The following MS4A1 variants were observed in gnomAD, a reference collection of about 807,000 sequenced individuals.
MS4A1 encodes membrane spanning 4-domains A1.
Under a neutral mutation model 26.5 loss-of-function variants are expected in MS4A1, and 16 were observed. The ratio of observed to expected loss-of-function variants is 0.60; its 90% CI spans 0.41 to 0.92. MS4A1 has a LOEUF of 0.92. Among genes scored for constraint, MS4A1 ranks in the 40% least tolerant of loss-of-function variants. The pLI, the probability that MS4A1 is intolerant of heterozygous loss-of-function variation, is 0.00. For synonymous variants in MS4A1, 128 were observed against 117.6 expected (o/e 1.09, Z -0.57); for missense variants, 350 against 353.0 (o/e 0.99, Z 0.07).
chr11:60,464,370 C>T (rs754322644), intron 5 of MS4A1, 26 bp downstream of exon 5: 3 of 1,607,350 alleles, frequency 1.9e-6, no homozygotes, highest in South Asian at 1.1e-5. Flanking sequence ...TCCTTCTTTC[C>T]CACATGTCAG....
At position 60,468,275 on chromosome 11, in the gene MS4A1, A is replaced by G. The variant is rs1288101304; in HGVS notation, c.701A>G (p.Glu234Gly). Residue 234 changes from glutamate (E) to glycine (G), a missense_variant, in exon 8 of 8, where the codon GAA becomes GGA. Physicochemically the swap from Glu to Gly is moderately conservative, Grantham distance 98. Transcript: ENST00000345732. ...AACATAGTTCTCCTGTCAGCAGAAG[A>G]AAAAAAAGAACAGACTATTGAAATA... ...KSNIVLLSAE[E>G]KKEQTIEIKE... 2 of 1,612,020 alleles carry G rather than the reference A, an allele frequency of 1.2e-6. No individual in the cohort carries two copies. The highest frequency in any genetic ancestry group is 2.7e-5 in the African/African-American group (2 of 74,992).
intron 1 of MS4A1, among the ~76,000 whole-genome samples, chr11:60,459,766 C>G (rs1411758725): frequency 6.6e-6 from 1 of 152,190 alleles, no homozygotes; most frequent in Non-Finnish European, 1.5e-5. Flanking sequence ...AGTTTCTTCT[C>G]TCTTTCCTCT....
intron 5 of MS4A1, 24 bp downstream of exon 5, chr11:60,464,368 TC>T (rs763363193): frequency 6.2e-7 from 1 of 1,609,492 alleles, no homozygotes; most frequent in Admixed American, 1.7e-5. Context: ...TGTCCTTCTT[TC>T]CCACATGTCA....
chr11:60,468,731 T>C lies in MS4A1; in HGVS notation c.*263T>C. ...GCAGAATGAGTGCTTCAGAATGTGA[T>C]TTCCTACTAACCTGTTCCTTGGATA... On this transcript the variant is annotated 3_prime_UTR_variant, in exon 8 of 8. Coordinates refer to ENST00000345732, the MANE Select transcript of MS4A1 (RefSeq NM_152866.3). 2.0e-6 allele frequency: 1 copy of C among 502,488 alleles called. No homozygotes were observed. Among genetic ancestry groups the C allele is most frequent in the Non-Finnish European group, 3.6e-6 (1 of 280,608 alleles). 31.1% of individuals were successfully genotyped at this position (502,488 alleles called of 1,614,324 possible). A position where few individuals can be genotyped will look rare whatever the true frequency, so the allele number is the denominator to read the frequency against.
At chr11:60,464,033 A>G in intron 4 of MS4A1, 1 of 554,450 alleles carries the variant, frequency 1.8e-6, no homozygotes, top group Non-Finnish European at 3.2e-6. Context: ...TGGTCTTACT[A>G]TATTCCTAGT....
chr11:60,465,865 TTA>T, intron 5 of MS4A1, 54 bp from the exon 6 acceptor site: 3 of 1,379,372 alleles, frequency 2.2e-6, no homozygotes, highest in Non-Finnish European at 3.1e-6. Flanking sequence ...CCCTCCCAGA[TTA>T]TGTTTTCCAA....
intron 1 of MS4A1, among the ~76,000 whole-genome samples, chr11:60,458,456 G>A (rs2086221547): frequency 2.0e-5 from 3 of 152,170 alleles, no homozygotes; most frequent in African/African-American, 7.2e-5. Context: ...AATATTTGCA[G>A]GAGTTAGTGT....
rs775765486 is a variant in MS4A1, at chr11:60,466,074, A to T, written c.490A>T (p.Ile164Leu). ...TAGAGCTCACACACCATATATTAAC[A>T]TATACAACTGTGAACCAGCTAATCC... ...FIRAHTPYIN[I>L]YNCEPANPSE... Residue 164 changes from isoleucine to leucine, a missense_variant, in exon 6 of 8, where the codon ATA (isoleucine) becomes TTA (leucine). By Grantham distance (5) the Ile-to-Leu change is conservative (BLOSUM62 2). Coordinates refer to ENST00000345732, the MANE Select transcript of MS4A1 (RefSeq NM_152866.3). 4 of 1,614,092 alleles carry T rather than the reference A, an allele frequency of 2.5e-6. No individual in the cohort carries two copies. In the East Asian group the frequency reaches 8.9e-5, roughly 36 times the overall value.
chr11:60,458,250 GA>G (rs2086219932), intron 1 of MS4A1: 1 of 152,248 alleles, frequency 6.6e-6, no homozygotes, highest in Admixed American at 6.5e-5. Flanking sequence ...CAGGAGGCCA[GA>G]AGGGATAAAA....
Position 60,468,752 on chromosome 11 carries a change from G to A in MS4A1, c.*284G>A, listed in dbSNP as rs2086317317. 1 of 415,702 alleles carries A rather than the reference G, an allele frequency of 2.4e-6. No homozygotes were observed. Among genetic ancestry groups the A allele is most frequent in the Admixed American group, 4.1e-5 (1 of 24,288 alleles). 25.8% of individuals were successfully genotyped at this position (415,702 alleles called of 1,614,324 possible). On this transcript the variant is annotated 3_prime_UTR_variant, in exon 8 of 8. Transcript: ENST00000345732. ...GTGATTTCCTACTAACCTGTTCCTT[G>A]GATAGGCTTTTTAGTATAGTATTTT...
At chr11:60,458,598 C>G (rs1590842350) in intron 1 of MS4A1, among the ~76,000 whole-genome samples, 1 of 152,190 alleles carries the variant, frequency 6.6e-6, no homozygotes, top group Non-Finnish European at 1.5e-5. Flanking sequence ...CCCTACTAAT[C>G]TACCAACTAG....
intron 5 of MS4A1, 101 bp from the exon 6 acceptor site, chr11:60,465,820 T>A (rs2086286161): frequency 2.3e-6 from 2 of 868,400 alleles, no homozygotes; most frequent in South Asian, 2.8e-5. Context: ...TTAGTTGTAG[T>A]TGCTTTGTGA....
At position 60,464,332 on chromosome 11, in the gene MS4A1, C is replaced by T. The variant is rs1369504041; in HGVS notation, c.324C>T (p.Ser108=). ...GSLLAATEKN[S]RKCLVKGKMI... ...TCCTGGCAGCAACGGAGAAAAACTC[C>T]AGGAAGTGTTTGGCAAGTAACCATA... Residue 108 remains serine (S), a synonymous_variant, in exon 5 of 8, where the codon TCC becomes TCT. Coordinates refer to ENST00000345732, the MANE Select transcript of MS4A1 (RefSeq NM_152866.3). 1 of 1,613,144 alleles carries T rather than the reference C, an allele frequency of 6.2e-7. No individual in the cohort carries two copies. The highest frequency in any genetic ancestry group is 2.2e-5 in the East Asian group (1 of 44,866).
chr11:60,463,308 T>C (rs541869821), intron 4 of MS4A1, among the ~76,000 whole-genome samples, 187 bp downstream of exon 4: 1 of 152,308 alleles, frequency 6.6e-6, no homozygotes, highest in South Asian at 2.1e-4. Flanking sequence ...GAGTCAGTGG[T>C]CCTGTTTCAT....
rs2086333722 is a variant in MS4A1 at position 60,470,337 on chromosome 11, G to A, written c.*1869G>A. Reference sequence around the variant, plus strand: ...AAAAGGACATAGTAGGAGCAGGCCTGAGAAAAAAATGAAAGTCAGAAATCT... The same window carrying A: ...AAAAGGACATAGTAGGAGCAGGCCTAAGAAAAAAATGAAAGTCAGAAATCT... On this transcript the variant is annotated 3_prime_UTR_variant, in exon 8 of 8. Transcript: ENST00000345732. 6.6e-6 allele frequency: 1 copy of A among 151,750 alleles called. No individual in the cohort carries two copies. Among genetic ancestry groups the A allele is most frequent in the African/African-American group, 2.4e-5 (1 of 41,338 alleles). 9.4% of individuals were successfully genotyped at this position (151,750 alleles called of 1,614,324 possible).
At position 60,467,073 on chromosome 11, in the gene MS4A1, C is replaced by T; in HGVS notation, c.675+13C>T. ...CAGACCCAAATCTGTAAGTAGTAGC[C>T]CCTCTGGCCAAAACCTCCCTCTAGA... On this transcript the variant is annotated intron_variant, in intron 7 of 7. Transcript: ENST00000345732. The T allele has an allele frequency of 6.2e-7, 1 of 1,606,394 alleles. No homozygotes were observed. The highest frequency in any genetic ancestry group is 8.5e-7 in the Non-Finnish European group (1 of 1,173,134).
chr11:60,466,118 A>G lies in MS4A1; in HGVS notation c.534A>G (p.Pro178=). The part of the protein sequence containing the change: ...EPANPSEKNS[P]STQYCYSIQS... ...CTAATCCCTCTGAGAAAAACTCCCC[A>G]TCTACCCAATACTGTTACAGCATAC... The change falls in exon 6 of 8, where the codon CCA becomes CCG. Residue 178 remains proline (P), a synonymous_variant. Coordinates refer to ENST00000345732, the MANE Select transcript of MS4A1 (RefSeq NM_152866.3). 6.2e-7 allele frequency: 1 copy of G among 1,613,142 alleles called. No individual in the cohort carries two copies.
At chr11:60,466,914 G>T in intron 6 of MS4A1, 45 bp from the exon 7 acceptor site, 1 of 1,542,248 alleles carries the variant, frequency 6.5e-7, no homozygotes, top group Non-Finnish European at 9.0e-7. Flanking sequence ...AATGTTCTTT[G>T]TGCCATTATT....
intron 7 of MS4A1, 106 bp downstream of exon 7, chr11:60,467,166 G>T (rs2135203416): frequency 3.2e-6 from 3 of 936,884 alleles, no homozygotes; most frequent in Non-Finnish European, 5.0e-6. Context: ...CTAGGAGCTT[G>T]ATTTAAAAAA....
Sources: gnomAD v4.1 joint callset for allele counts (sites outside exome capture counted in the v4.1 genomes callset) on GRCh38, gnomAD v4.1.1 for gene constraint, MANE v1.5 for transcripts, NCBI Gene and HGNC (gene_info 2026-07-23, HGNC 2026-07-21) for gene names.